ARID2: variants seen among roughly 807,000 people sequenced by gnomAD.
ARID2 encodes AT-rich interactive domain-containing protein 2.
ARID2 carries 32 observed loss-of-function variants against 184.6 expected under a neutral mutation model. The ratio of observed to expected loss-of-function variants is 0.17; its 90% CI spans 0.13 to 0.23. ARID2 has a LOEUF of 0.23. ARID2 is among the 10% of genes least tolerant of loss of function. The pLI is 1.00. For synonymous variants in ARID2, 836 were observed against 772.6 expected (o/e 1.08, Z -1.36); for missense variants, 1,696 against 2,197.6 (o/e 0.77, Z 4.56).
Position 45,795,726 on chromosome 12 carries a change from G to C in ARID2, c.285-15692G>C, listed in dbSNP as rs553291278. On this transcript the variant is annotated intron_variant, in intron 3 of 20. Coordinates refer to ENST00000334344, the MANE Select transcript of ARID2 (RefSeq NM_152641.4). Reference sequence around the variant, plus strand: ...GCTGGGATTATAGGCGTGAGCCCCCGCGCCTGGCCTCTCTGTTCTTTTCTT... The same window carrying C: ...GCTGGGATTATAGGCGTGAGCCCCCCCGCCTGGCCTCTCTGTTCTTTTCTT... 2.0e-5 allele frequency among the ~76,000 whole-genome samples: 3 copies of C among 152,158 alleles called. No individual in the cohort carries two copies. In the South Asian group the frequency reaches 6.2e-4, roughly 32 times the overall value.
At chr12:45,867,757 G>GA (rs527782123) in intron 16 of ARID2, among the ~76,000 whole-genome samples, 5 of 144,142 alleles carry the variant, frequency 3.5e-5, no homozygotes, top group East Asian at 2.2e-4. Context: ...AAAAAAAAAA[G>GA]AAAAAAAAAC....
intron 3 of ARID2, 145 bp downstream of exon 3, chr12:45,731,459 TA>T: frequency 1.7e-6 from 1 of 596,432 alleles, no homozygotes; most frequent in Non-Finnish European, 3.0e-6. Context: ...TTAATATAAA[TA>T]AAGTGAGATT....
chr12:45,796,360 A>G (rs1303670310), intron 3 of ARID2, among the ~76,000 whole-genome samples: 3 of 152,150 alleles, frequency 2.0e-5, no homozygotes, highest in Non-Finnish European at 2.9e-5. Context: ...AACTTAGTAT[A>G]GTAGTTCCCT....
At chr12:45,763,361 C>T (rs1196160159) in intron 3 of ARID2, among the ~76,000 whole-genome samples, 3 of 151,486 alleles carry the variant, frequency 2.0e-5, no homozygotes, top group Admixed American at 6.6e-5. Flanking sequence ...TCCCAGCTAC[C>T]GGGGAGGTGG....
At position 45,802,472 on chromosome 12, in the gene ARID2, C is replaced by T. The variant is rs57930577; in HGVS notation, c.285-8946C>T. On this transcript the variant is annotated intron_variant, in intron 3 of 20. Coordinates refer to ENST00000334344, the MANE Select transcript of ARID2 (RefSeq NM_152641.4). ...ACCCTTTAAAAAATGTTCCATATTGCGTGAATTTCTTTTAAAAGTAATTAC... is the reference window on the plus strand; with the variant it reads ...ACCCTTTAAAAAATGTTCCATATTGTGTGAATTTCTTTTAAAAGTAATTAC... Among the ~76,000 whole-genome samples, 198 of 152,106 alleles carry T rather than the reference C, an allele frequency of 1.3e-3. 1 individual carries two copies. The highest frequency in any genetic ancestry group is 4.6e-3 in the African/African-American group (192 of 41,510).
intron 16 of ARID2, among the ~76,000 whole-genome samples, chr12:45,891,396 C>T (rs1944299497): frequency 2.0e-5 from 3 of 152,080 alleles, no homozygotes. Flanking sequence ...AAAACATGGA[C>T]AGACATATAA....
intron 16 of ARID2, among the ~76,000 whole-genome samples, chr12:45,868,010 G>C (rs1200066734): frequency 2.6e-5 from 4 of 152,040 alleles, no homozygotes; most frequent in Non-Finnish European, 5.9e-5. Context: ...CCATTCCCCA[G>C]CTCCTGTTTT....
At position 45,764,740 on chromosome 12, in the gene ARID2, A is replaced by G. The variant is rs376381657; in HGVS notation, c.284+33426A>G. On this transcript the variant is annotated intron_variant, in intron 3 of 20. Coordinates refer to ENST00000334344, the MANE Select transcript of ARID2 (RefSeq NM_152641.4). ...GTGTTCTGTTGTGTGGATATACTGA[A>G]GATTCTTTATTCTTTTTTAGTTGAT... Among the ~76,000 whole-genome samples, 3 of 152,176 alleles carry G rather than the reference A, an allele frequency of 2.0e-5. No homozygotes were observed. The South Asian group carries it at 6.2e-4, about 32-fold the overall frequency.
chr12:45,762,452 G>A (rs1941700749), intron 3 of ARID2, among the ~76,000 whole-genome samples: 1 of 152,210 alleles, frequency 6.6e-6, no homozygotes, highest in Non-Finnish European at 1.5e-5. Context: ...CACTAAAGTA[G>A]TGATAGCATA....
intron 3 of ARID2, among the ~76,000 whole-genome samples, chr12:45,787,654 T>A (rs1241803104): frequency 6.6e-6 from 1 of 152,172 alleles, no homozygotes; most frequent in African/African-American, 2.4e-5. Context: ...ATCTTATTTT[T>A]AAAATTATTT....
rs1386210862 is a variant in ARID2, at chr12:45,850,181, A to G, written c.2058A>G (p.Gln686=). Residue 686 remains glutamine, a synonymous_variant, in exon 15 of 21, where the codon CAA becomes CAG. Coordinates refer to ENST00000334344, the MANE Select transcript of ARID2 (RefSeq NM_152641.4). ...TVAQTVSRIP[Q]NPSPHTHQQQ... The stretch of plus-strand genomic sequence containing the variant: ...CACAAACTGTTTCAAGAATTCCACA[A>G]AATCCTTCACCTCATACCCACCAGC... The G allele has an allele frequency of 8.7e-6, 14 of 1,614,024 alleles. No individual in the cohort carries two copies. The highest frequency in any genetic ancestry group is 5.0e-5 in the Admixed American group (3 of 59,998).
At chr12:45,842,827 C>T (rs1943376826) in intron 11 of ARID2, among the ~76,000 whole-genome samples, 1 of 152,048 alleles carries the variant, frequency 6.6e-6, no homozygotes, top group East Asian at 1.9e-4. Context: ...AGGACTCTCC[C>T]CTCTAATTCT....
chr12:45,731,160 AG>A (rs2137962289), intron 2 of ARID2, 56 bp from the exon 3 acceptor site: 2 of 1,233,250 alleles, frequency 1.6e-6, no homozygotes, highest in East Asian at 2.3e-5. Flanking sequence ...TTTCATAGTT[AG>A]GTTAAGATTT....
At position 45,893,406 on chromosome 12, in the gene ARID2, T is replaced by C. The variant is rs1944328996; in HGVS notation, c.5148-14T>C. ...CGTTAATTCTCTCTCTCTCTCTCTC[T>C]CTGATCAATTTAGGCAGCCAACTGT... On this transcript the variant is annotated splice_polypyrimidine_tract_variant and intron_variant, in intron 18 of 20. Coordinates refer to ENST00000334344, the MANE Select transcript of ARID2 (RefSeq NM_152641.4). 1.2e-6 allele frequency: 2 copies of C among 1,604,548 alleles called. No homozygotes were observed. The highest frequency in any genetic ancestry group is 1.7e-6 in the Non-Finnish European group (2 of 1,175,334).
chr12:45,729,995 C>CG, intron 1 of ARID2, 49 bp from the exon 2 acceptor site: 1 of 1,607,648 alleles, frequency 6.2e-7, no homozygotes, highest in African/African-American at 1.3e-5. Flanking sequence ...CCGCCCGGGC[C>CG]GGGCACGGGG....
rs371439881 is a variant in ARID2, at chr12:45,851,096, C to G, written c.2973C>G (p.Ser991=). 1.9e-6 allele frequency: 3 copies of G among 1,613,996 alleles called. No individual in the cohort carries two copies. Among genetic ancestry groups the G allele is most frequent in the Non-Finnish European group, 2.5e-6 (3 of 1,180,034 alleles). ...NNQVPTAMSS[S]STPQSQGPPP... ...AAGTCCCTACTGCCATGTCGTCGTC[C>G]TCTACCCCTCAATCACAGGGACCAC... Residue 991 remains serine, a synonymous_variant, in exon 15 of 21, where the codon TCC becomes TCG. Coordinates refer to ENST00000334344, the MANE Select transcript of ARID2 (RefSeq NM_152641.4).
intron 16 of ARID2, among the ~76,000 whole-genome samples, chr12:45,890,864 GAT>G (rs1944290714): frequency 1.3e-5 from 2 of 151,984 alleles, no homozygotes; most frequent in Admixed American, 6.6e-5. Context: ...CTTTGCTGTA[GAT>G]CTTAAAGATA....
rs145959692 is a variant in ARID2, at chr12:45,898,644, G to A, written c.5363+4923G>A. On this transcript the variant is annotated intron_variant, in intron 20 of 20. Transcript: ENST00000334344. Reference sequence around the variant, plus strand: ...TAAATGGGTGGATTGGGCCAGACGCGGTGGCTTATGCCTATAATCCCGGCA... The same window carrying A: ...TAAATGGGTGGATTGGGCCAGACGCAGTGGCTTATGCCTATAATCCCGGCA... Among the ~76,000 whole-genome samples the A allele has an allele frequency of 6.0e-4, 91 of 152,284 alleles. No individual in the cohort carries two copies. In the East Asian group the frequency reaches 0.016, roughly 27 times the overall value.
At chr12:45,819,918 A>G (rs1337159275) in intron 5 of ARID2, among the ~76,000 whole-genome samples, 3 of 151,810 alleles carry the variant, frequency 2.0e-5, no homozygotes, top group African/African-American at 4.8e-5. Flanking sequence ...TAATTTTTAT[A>G]TTTTTAGTAG....
Sources: gnomAD v4.1 joint callset for allele counts (sites outside exome capture counted in the v4.1 genomes callset) on GRCh38, gnomAD v4.1.1 for gene constraint, MANE v1.5 for transcripts, NCBI Gene and HGNC (gene_info 2026-07-23, HGNC 2026-07-21) for gene names.